The following SLC7A11 variants were observed in gnomAD, a reference collection of about 807,000 sequenced individuals.
SLC7A11 encodes the protein solute carrier family 7 member 11, also known as cystine/glutamate transporter.
A neutral mutation model predicts 54.5 loss-of-function variants in SLC7A11; 35 were observed. The observed-to-expected ratio is 0.64, with a 90% CI of 0.49 to 0.85. SLC7A11 has a LOEUF of 0.85. SLC7A11 is among the 40% of genes least tolerant of loss of function. The pLI is 0.00. For synonymous variants in SLC7A11, 230 were observed against 225.2 expected (o/e 1.02, Z -0.19); for missense variants, 583 against 618.1 (o/e 0.94, Z 0.60).
At chr4:138,213,532 C>CCTCTCTCT (rs71600143) in intron 6 of SLC7A11, among the ~76,000 whole-genome samples, 2,490 of 148,888 alleles carry the variant, frequency 0.017, 32 homozygotes, top group African/African-American at 0.032. Context: ...TTGTGTTTCT[C>CCTCTCTCT]CTCTCTCTCT....
rs748285171 is a variant in SLC7A11, at chr4:138,232,317, T to C, written c.470A>G (p.Gln157Arg). 2 of 1,613,774 alleles carry C rather than the reference T, an allele frequency of 1.2e-6. No homozygotes were observed. The highest frequency in any genetic ancestry group is 8.5e-7 in the Non-Finnish European group (1 of 1,179,750). ...GRYILEPFFIQCEIPELAIKL... is the reference protein window; with the variant it reads ...GRYILEPFFIRCEIPELAIKL... ...GATCGCAAGTTCAGGGATTTCACATTGAATAAAAAATGGTTCCAGAATGTA... is the reference window on the plus strand; with the variant it reads ...GATCGCAAGTTCAGGGATTTCACATCGAATAAAAAATGGTTCCAGAATGTA... The change falls in exon 3 of 12, where the codon CAA becomes CGA. Residue 157 changes from glutamine (Q) to arginine (R), a missense_variant. Physicochemically the swap from Gln to Arg is conservative, Grantham distance 43. Transcript: ENST00000280612.
In SLC7A11 at chr4:138,231,810, C is replaced by A. The variant is rs565431315; in HGVS notation, c.520+457G>T. Among the ~76,000 whole-genome samples, 4 of 152,196 alleles carry A rather than the reference C, an allele frequency of 2.6e-5. No individual in the cohort carries two copies. The East Asian group carries it at 7.7e-4, about 29-fold the overall frequency. ...AAAAGAAAATTCTTTTCATGACCAA[C>A]AACAGGCAGCTGACATTATAACACT... On this transcript the variant is annotated intron_variant, in intron 3 of 11. Coordinates refer to ENST00000280612, the MANE Select transcript of SLC7A11 (RefSeq NM_014331.4).
intron 3 of SLC7A11, among the ~76,000 whole-genome samples, chr4:138,227,540 A>C (rs907846): frequency 0.76 from 114,920 of 152,066 alleles, 45,020 homozygotes; most frequent in Middle Eastern, 0.89. Flanking sequence ...TCTCTATGAC[A>C]TAGTCATTTT....
intron 6 of SLC7A11, among the ~76,000 whole-genome samples, chr4:138,201,182 A>T (rs1737273650): frequency 1.3e-5 from 2 of 152,080 alleles, no homozygotes; most frequent in African/African-American, 4.8e-5. Flanking sequence ...TCTAGTTTTT[A>T]CATATTTTGG....
In SLC7A11 at chr4:138,170,229, A is replaced by ATATATATATATATATATAT. The variant is rs1491323495; in HGVS notation, c.*1726_*1727insATATATATATATATATATA. On this transcript the variant is annotated 3_prime_UTR_variant, in exon 12 of 12. Coordinates refer to ENST00000280612, the MANE Select transcript of SLC7A11 (RefSeq NM_014331.4). Reference sequence around the variant, plus strand: ...ACTATATATATATATATATATATATAAAAAGTGTGTGTGTGTGTGTGTATA... The same window carrying ATATATATATATATATATAT: ...ACTATATATATATATATATATATATATATATATATATATATATATAAAAGTGTGTGTGTGTGTGTGTATA... 3.6e-5 allele frequency: 4 copies of ATATATATATATATATATAT among 111,618 alleles called. No homozygotes were observed. The highest frequency in any genetic ancestry group is 1.3e-4 in the African/African-American group (4 of 31,372). The allele number at this position is 111,618 out of a possible 1,614,324, so 6.9% of individuals were successfully genotyped here. A position where few individuals can be genotyped will look rare whatever the true frequency, so the allele number is the denominator to read the frequency against.
At chr4:138,194,169 T>C (rs1279032454) in intron 6 of SLC7A11, among the ~76,000 whole-genome samples, 2 of 152,050 alleles carry the variant, frequency 1.3e-5, no homozygotes, top group African/African-American at 4.8e-5. Context: ...AGAGATAATA[T>C]GTCACTGTCA....
chr4:138,222,120 T>C (rs1033858429), intron 4 of SLC7A11, among the ~76,000 whole-genome samples: 6 of 152,238 alleles, frequency 3.9e-5, no homozygotes, highest in African/African-American at 9.6e-5. Flanking sequence ...TTATTCTGCA[T>C]TGGCTGCTGT....
rs1044421978 is a variant in SLC7A11 at position 138,242,136 on chromosome 4, C to G, written c.-67G>C. ...AACAAAACTTTCAACTTTGGTGTCTCTTGGTGTTACTGATCGATGTCTTCC... is the reference window on the plus strand; with the variant it reads ...AACAAAACTTTCAACTTTGGTGTCTGTTGGTGTTACTGATCGATGTCTTCC... On this transcript the variant is annotated 5_prime_UTR_variant, in exon 1 of 12. Coordinates refer to ENST00000280612, the MANE Select transcript of SLC7A11 (RefSeq NM_014331.4). 7 of 1,527,478 alleles carry G rather than the reference C, an allele frequency of 4.6e-6. No homozygotes were observed. Among genetic ancestry groups the G allele is most frequent in the Non-Finnish European group, 6.2e-6 (7 of 1,131,596 alleles). The allele number at this position is 1,527,478 out of a possible 1,614,324, so 94.6% of individuals were successfully genotyped here.
chr4:138,242,022 C>A lies in SLC7A11; in HGVS notation c.48G>T (p.Leu16=). 6.2e-7 allele frequency: 1 copy of A among 1,614,098 alleles called. No individual in the cohort carries two copies. The highest frequency in any genetic ancestry group is 8.5e-7 in the Non-Finnish European group (1 of 1,179,968). ...VVSTISKGGY[L]QGNVNGRLPS... ...GCAGCCTCCCGTTAACATTTCCCTG[C>A]AGGTAACCTCCTTTGGAGATGGTGG... Residue 16 remains leucine (L), a synonymous_variant, in exon 1 of 12, where the codon CTG becomes CTT. Transcript: ENST00000280612.
rs147954643 is a variant in SLC7A11, at chr4:138,215,759, AAAAAAACACATGCACACT to A, written c.747-1148_747-1131del. Among the ~76,000 whole-genome samples the A allele has an allele frequency of 8.6e-3, 1,302 of 151,968 alleles. 21 individuals are homozygous for A. The highest frequency in any genetic ancestry group is 0.03 in the African/African-American group (1,230 of 41,506). ...TGGGAAGTAGGGAAAGAAAAAAGAA[AAAAAAACACATGCACACT>A]AAAAAACAAACACCACCACCAATGA... is the stretch of plus-strand genomic sequence containing the variant. On this transcript the variant is annotated intron_variant, in intron 5 of 11. Coordinates refer to ENST00000280612, the MANE Select transcript of SLC7A11 (RefSeq NM_014331.4).
At chr4:138,232,155 A>G in intron 3 of SLC7A11, 112 bp downstream of exon 3, 1 of 765,422 alleles carries the variant, frequency 1.3e-6, no homozygotes, top group Non-Finnish European at 2.3e-6. Flanking sequence ...CTGTAAGCAA[A>G]AAGAACATGA....
intron 1 of SLC7A11, among the ~76,000 whole-genome samples, chr4:138,237,972 C>G (rs141600022): frequency 2.5e-3 from 375 of 148,272 alleles, no homozygotes; most frequent in African/African-American, 7.8e-3. Context: ...GGGCTGGTCT[C>G]AAACTCCCGA....
Position 138,170,230 on chromosome 4 carries a change from AAAAGTGT to A in SLC7A11, c.*1719_*1725del, listed in dbSNP as rs1736379423. On this transcript the variant is annotated 3_prime_UTR_variant, in exon 12 of 12. Transcript: ENST00000280612. ...CTATATATATATATATATATATATA[AAAAGTGT>A]GTGTGTGTGTGTGTATATATATATA... 9 of 98,274 alleles carry A rather than the reference AAAAGTGT, an allele frequency of 9.2e-5. No individual in the cohort carries two copies. Among genetic ancestry groups the A allele is most frequent in the East Asian group, 3.2e-4 (1 of 3,106 alleles). The allele number at this position is 98,274 out of a possible 1,614,324, so 6.1% of individuals were successfully genotyped here.
intron 6 of SLC7A11, among the ~76,000 whole-genome samples, chr4:138,208,246 A>G (rs902479730): frequency 6.6e-6 from 1 of 152,112 alleles, no homozygotes; most frequent in Non-Finnish European, 1.5e-5. Context: ...TTTTTCAAAA[A>G]TGACTGATGA....
chr4:138,175,730 A>T (rs1736555077), intron 11 of SLC7A11: 1 of 152,078 alleles, frequency 6.6e-6, no homozygotes, highest in Non-Finnish European at 1.5e-5. Flanking sequence ...AAATCTCTGA[A>T]AATCTCAGCT....
At chr4:138,234,119 G>A (rs530050857) in intron 2 of SLC7A11, among the ~76,000 whole-genome samples, 5 of 152,068 alleles carry the variant, frequency 3.3e-5, no homozygotes, top group African/African-American at 1.2e-4. Context: ...GAGCTCTAAG[G>A]GTACAAAATC....
chr4:138,219,403 G>T, intron 4 of SLC7A11, 38 bp from the exon 5 acceptor site: 2 of 1,247,140 alleles, frequency 1.6e-6, no homozygotes, highest in Non-Finnish European at 1.2e-6. Context: ...ATTTTTCAAA[G>T]AATTGGTTCT....
intron 11 of SLC7A11, among the ~76,000 whole-genome samples, chr4:138,178,882 A>G (rs931823568): frequency 2.6e-5 from 4 of 152,168 alleles, no homozygotes; most frequent in African/African-American, 9.6e-5. Context: ...TAAAATCACT[A>G]AACTGCATTC....
intron 2 of SLC7A11, among the ~76,000 whole-genome samples, chr4:138,234,432 T>C (rs1259262066): frequency 6.6e-6 from 1 of 152,210 alleles, no homozygotes; most frequent in East Asian, 1.9e-4. Flanking sequence ...TTTGTTATTC[T>C]GCCTATTTAA....
Sources: allele counts gnomAD v4.1 joint callset (sites outside exome capture counted in the v4.1 genomes callset), GRCh38; gene constraint gnomAD v4.1.1; transcripts MANE v1.5; gene names NCBI Gene and HGNC (gene_info 2026-07-23, HGNC 2026-07-21).